The following THSD7B variants were observed in gnomAD, a reference collection of about 807,000 sequenced individuals.
The protein encoded by THSD7B is thrombospondin type-1 domain-containing protein 7B.
In THSD7B, 138 loss-of-function variants were observed where a neutral mutation model predicts 213.6. The ratio of observed to expected loss-of-function variants is 0.65; its 90% CI spans 0.56 to 0.74. THSD7B has a LOEUF of 0.74. Ranked by LOEUF, THSD7B falls within the 30% of genes least tolerant of loss-of-function variation. The probability of loss-of-function intolerance (pLI) is 0.00; values close to 1 mark genes in which losing one functional copy is unlikely to be tolerated. For missense variants in THSD7B, 1,931 were observed against 1,991.5 expected, an observed-to-expected ratio of 0.97 and a Z score of 0.58; for synonymous variants, 742 against 687.0, an observed-to-expected ratio of 1.08 and a Z score of -1.25.
At chr2:136,903,218 G>T (rs748109031) in intron 2 of THSD7B, among the ~76,000 whole-genome samples, 1 of 152,266 alleles carries the variant, frequency 6.6e-6, no homozygotes, top group South Asian at 2.1e-4. Flanking sequence ...CAGTTGCCTG[G>T]CATATATTAA....
chr2:137,227,276 A>G lies in THSD7B; in HGVS notation c.1724-3768A>G, dbSNP rs931032743. ...AAGCAGAACGATTTTCCATTTTTCCAGAATCATAACTGGTTTAAATAAGTC... is the reference window on the plus strand; with the variant it reads ...AAGCAGAACGATTTTCCATTTTTCCGGAATCATAACTGGTTTAAATAAGTC... On this transcript the variant is annotated intron_variant, in intron 7 of 27. Transcript: ENST00000409968. Among the ~76,000 whole-genome samples the G allele has an allele frequency of 1.1e-4, 16 of 152,192 alleles. 1 individual carries two copies. Among genetic ancestry groups the G allele is most frequent in the Admixed American group, 6.5e-4 (10 of 15,278 alleles).
At chr2:137,517,777 G>A (rs980165018) in intron 15 of THSD7B, among the ~76,000 whole-genome samples, 2 of 152,132 alleles carry the variant, frequency 1.3e-5, no homozygotes, top group Non-Finnish European at 2.9e-5. Flanking sequence ...GCCCTGGCAG[G>A]CCCCCATTGG....
chr2:136,972,642 G>A (rs1242902470), intron 2 of THSD7B, among the ~76,000 whole-genome samples: 2 of 152,036 alleles, frequency 1.3e-5, no homozygotes, highest in East Asian at 1.9e-4. Flanking sequence ...CAGGAAGGGC[G>A]ATCGTTGGTT....
chr2:137,177,895 A>G (rs1680387818), intron 7 of THSD7B, among the ~76,000 whole-genome samples: 1 of 151,834 alleles, frequency 6.6e-6, no homozygotes, highest in African/African-American at 2.4e-5. Context: ...ATATGGTGAA[A>G]CCCCATCTCT....
At chr2:137,444,709 C>A (rs1379604749) in intron 14 of THSD7B, among the ~76,000 whole-genome samples, 1 of 151,850 alleles carries the variant, frequency 6.6e-6, no homozygotes, top group Non-Finnish European at 1.5e-5. Context: ...TTGGTCTGTT[C>A]ACAGATTTCT....
At chr2:137,049,100 A>G (rs1687017016) in intron 2 of THSD7B, among the ~76,000 whole-genome samples, 1 of 152,248 alleles carries the variant, frequency 6.6e-6, no homozygotes, top group Non-Finnish European at 1.5e-5. Context: ...GTGAAGCCAT[A>G]TTTATGGGAT....
At chr2:137,186,700 T>A (rs372795504) in intron 7 of THSD7B, among the ~76,000 whole-genome samples, 2 of 152,168 alleles carry the variant, frequency 1.3e-5, no homozygotes, top group African/African-American at 4.8e-5. Flanking sequence ...TAGGACTCTT[T>A]TTTGGTTCCA....
At chr2:137,113,180 A>G (rs901815808) in intron 4 of THSD7B, among the ~76,000 whole-genome samples, 1 of 152,120 alleles carries the variant, frequency 6.6e-6, no homozygotes, top group Non-Finnish European at 1.5e-5. Context: ...CATCCACCCC[A>G]ACATTCTCAT....
chr2:137,171,099 G>A (rs1680241271), intron 7 of THSD7B, among the ~76,000 whole-genome samples, 161 bp downstream of exon 7: 1 of 152,078 alleles, frequency 6.6e-6, no homozygotes, highest in African/African-American at 2.4e-5. Context: ...TGCAAAGTAA[G>A]GTGCCGTGAC....
chr2:137,017,439 GGAGAAGATGGCTCAAGT>G (rs1218626707), intron 2 of THSD7B, among the ~76,000 whole-genome samples: 2 of 152,116 alleles, frequency 1.3e-5, no homozygotes, highest in Non-Finnish European at 2.9e-5. Context: ...GACAAGCAGA[GGAGAAGATGGCTCAAGT>G]GAGGTTGAAA....
chr2:137,609,767 G>T (rs993978051), intron 17 of THSD7B, among the ~76,000 whole-genome samples: 1 of 152,126 alleles, frequency 6.6e-6, no homozygotes, highest in Non-Finnish European at 1.5e-5. Flanking sequence ...TGGCCCCAGA[G>T]GTCAACATAA....
At chr2:137,283,066 G>A (rs1048389771) in intron 12 of THSD7B, among the ~76,000 whole-genome samples, 3 of 151,940 alleles carry the variant, frequency 2.0e-5, no homozygotes, top group Non-Finnish European at 4.4e-5. Flanking sequence ...TTTGTTTGTA[G>A]CCTCTTTTAT....
intron 7 of THSD7B, among the ~76,000 whole-genome samples, chr2:137,214,178 T>C (rs1681181848): frequency 6.6e-6 from 1 of 152,160 alleles, no homozygotes; most frequent in Non-Finnish European, 1.5e-5. Flanking sequence ...TCATATACCT[T>C]GTTTTTCTTT....
At position 137,667,879 on chromosome 2, in the gene THSD7B, A is replaced by G. The variant is rs1394045036; in HGVS notation, c.4739+18A>G. Reference sequence around the variant, plus strand: ...CTTGTTTGGTAAGTACTAATTAGTAAAAAGTTTATGTTCCGTATTTTTATG... The same window carrying G: ...CTTGTTTGGTAAGTACTAATTAGTAGAAAGTTTATGTTCCGTATTTTTATG... On this transcript the variant is annotated intron_variant, in intron 27 of 27. Coordinates refer to ENST00000409968, the MANE Select transcript of THSD7B (RefSeq NM_001316349.2). 6.5e-7 allele frequency: 1 copy of G among 1,544,926 alleles called. No homozygotes were observed.
At position 137,286,493 on chromosome 2, in the gene THSD7B, T is replaced by C. The variant is rs1259711634; in HGVS notation, c.2500+10467T>C. ...GGAGACAAAGGATACCTCTGGAACA[T>C]TGGACTTTCATTCTCCGAATGGAAG... On this transcript the variant is annotated intron_variant, in intron 12 of 27. Transcript: ENST00000409968. Among the ~76,000 whole-genome samples, 5 of 152,152 alleles carry C rather than the reference T, an allele frequency of 3.3e-5. No homozygotes were observed. The East Asian group carries it at 5.8e-4, about 18-fold the overall frequency.
At chr2:137,560,364 A>G (rs1681085011) in intron 15 of THSD7B, among the ~76,000 whole-genome samples, 2 of 152,216 alleles carry the variant, frequency 1.3e-5, no homozygotes, top group South Asian at 2.1e-4. Context: ...CATATACACC[A>G]TGGAATACTA....
At chr2:137,290,738 A>G (rs1416429126) in intron 12 of THSD7B, among the ~76,000 whole-genome samples, 1 of 152,132 alleles carries the variant, frequency 6.6e-6, no homozygotes, top group Non-Finnish European at 1.5e-5. Flanking sequence ...TTGTTTCTAA[A>G]AGTGAACCTA....
chr2:136,971,639 TACACACAC>T (rs6146927), intron 2 of THSD7B, among the ~76,000 whole-genome samples: 7 of 135,350 alleles, frequency 5.2e-5, no homozygotes, highest in East Asian at 4.3e-4. Context: ...CAACAACAAA[TACACACAC>T]ACACACACAC....
At chr2:137,405,972 A>C (rs1551280) in intron 13 of THSD7B, among the ~76,000 whole-genome samples, 165 bp downstream of exon 13, 1 of 152,220 alleles carries the variant, frequency 6.6e-6, no homozygotes. Context: ...GTACGTAACA[A>C]GTACTCAATT....
Sources: allele counts gnomAD v4.1 joint callset (sites outside exome capture counted in the v4.1 genomes callset), GRCh38; gene constraint gnomAD v4.1.1; transcripts MANE v1.5; gene names NCBI Gene and HGNC (gene_info 2026-07-23, HGNC 2026-07-21).